TMEM70: variants seen among roughly 807,000 people sequenced by gnomAD.
The protein encoded by TMEM70 is transmembrane protein 70, mitochondrial.
In TMEM70, 15 loss-of-function variants were observed where a neutral mutation model predicts 20.5. That is an observed-to-expected ratio of 0.73 (90% CI 0.49 to 1.13). The LOEUF (loss-of-function observed/expected upper bound fraction) is 1.13, where lower values mean the gene tolerates loss of function less well. Among genes scored for constraint, TMEM70 ranks in the 50% most tolerant of loss-of-function variants. TMEM70 has a pLI of 0.00. For missense variants in TMEM70, 344 were observed against 331.7 expected (o/e 1.04, Z -0.29); for synonymous variants, 141 against 134.2 (o/e 1.05, Z -0.35).
chr8:73,981,260 A>G lies in TMEM70; in HGVS notation c.422A>G (p.Gln141Arg), dbSNP rs769437093. The change falls in exon 3 of 3, where the codon CAA becomes CGA. Residue 141 changes from glutamine (Q) to arginine (R), a missense_variant. By Grantham distance (43) the Gln-to-Arg change is conservative (BLOSUM62 1). Coordinates refer to ENST00000312184, the MANE Select transcript of TMEM70 (RefSeq NM_017866.6). The stretch of plus-strand genomic sequence containing the variant: ...TCTGAAAGTGTGCCTCTGCCTATTC[A>G]AATCATATTCTATGGCATCATGGGA... ...AISESVPLPI[Q>R]IIFYGIMGSF... The G allele has an allele frequency of 3.9e-5, 63 of 1,614,058 alleles. No homozygotes were observed. The highest frequency in any genetic ancestry group is 5.2e-5 in the Non-Finnish European group (61 of 1,180,044).
In TMEM70 at chr8:73,976,375, C is replaced by A; in HGVS notation, c.94C>A (p.Pro32Thr). ...ALCAAAALRG[P>T]RASVSRASSS... is the part of the protein sequence containing the mutation. ...GTGTGCGGCCGCCGCGCTCCGAGGT[C>A]CCCGGGCCTCTGTCTCCCGGGCGTC... Residue 32 changes from proline (P) to threonine (T), a missense_variant, in exon 1 of 3, where the codon CCC (proline) becomes ACC (threonine). Transcript: ENST00000312184. 1 of 1,596,842 alleles carries A rather than the reference C, an allele frequency of 6.3e-7. No individual in the cohort carries two copies. Among genetic ancestry groups the A allele is most frequent in the Middle Eastern group, 1.8e-4 (1 of 5,668 alleles).
chr8:73,976,452 G>C lies in TMEM70; in HGVS notation c.171G>C (p.Ser57=). ...GPVAGWSTGP[S]GAARLLRRPG... ...TAGCCGGCTGGAGTACGGGGCCTTC[G>C]GGAGCCGCGCGCCTTCTCCGGCGTC... Residue 57 remains serine, a synonymous_variant, in exon 1 of 3, where the codon TCG becomes TCC. Coordinates refer to ENST00000312184, the MANE Select transcript of TMEM70 (RefSeq NM_017866.6). 6.4e-7 allele frequency: 1 copy of C among 1,555,334 alleles called. No homozygotes were observed. Among genetic ancestry groups the C allele is most frequent in the African/African-American group, 1.4e-5 (1 of 73,820 alleles).
In TMEM70 at chr8:73,981,712, T is replaced by G. The variant is rs1425802311; in HGVS notation, c.*91T>G. The G allele has an allele frequency of 1.2e-6, 1 of 857,966 alleles. No homozygotes were observed. The highest frequency in any genetic ancestry group is 2.6e-5 in the East Asian group (1 of 38,308). 53.1% of individuals were successfully genotyped at this position (857,966 alleles called of 1,614,324 possible). A position where few individuals can be genotyped will look rare whatever the true frequency, so the allele number is the denominator to read the frequency against. The stretch of plus-strand genomic sequence containing the variant: ...TTTGCATTCCGTTAGTGACTGATTG[T>G]TAAAAATAATTTGAAATTATCAAAG... On this transcript the variant is annotated 3_prime_UTR_variant, in exon 3 of 3. Transcript: ENST00000312184.
In TMEM70 at chr8:73,982,679, A is replaced by C; in HGVS notation, c.*1058A>C. On this transcript the variant is annotated 3_prime_UTR_variant, in exon 3 of 3. Coordinates refer to ENST00000312184, the MANE Select transcript of TMEM70 (RefSeq NM_017866.6). ...GTTAGCTATACGGGAAATGGTAAGT[A>C]GTGTTGTCTTCAGTATCTTAATTTG... 1 of 460,834 alleles carries C rather than the reference A, an allele frequency of 2.2e-6. No homozygotes were observed. The highest frequency in any genetic ancestry group is 4.3e-6 in the Non-Finnish European group (1 of 231,000). The allele number at this position is 460,834 out of a possible 1,614,324, so 28.5% of individuals were successfully genotyped here. A position where few individuals can be genotyped will look rare whatever the true frequency, so the allele number is the denominator to read the frequency against.
chr8:73,977,521 A>G (rs1003694183), intron 1 of TMEM70, among the ~76,000 whole-genome samples: 2 of 152,208 alleles, frequency 1.3e-5, no homozygotes, highest in African/African-American at 4.8e-5. Context: ...TAAGAGGACC[A>G]GGGGATACAC....
At chr8:73,980,782 G>A (rs1044695840) in intron 2 of TMEM70, among the ~76,000 whole-genome samples, 2 of 152,204 alleles carry the variant, frequency 1.3e-5, no homozygotes, top group African/African-American at 4.8e-5. Flanking sequence ...TAGATATACT[G>A]GAGTGCTTGT....
At chr8:73,981,100 T>A in intron 2 of TMEM70, 55 bp from the exon 3 acceptor site, 1 of 1,440,088 alleles carries the variant, frequency 6.9e-7, no homozygotes, top group Non-Finnish European at 9.7e-7. Context: ...TGGGATAGAT[T>A]GATTCTTTTA....
In TMEM70 at chr8:73,981,459, T is replaced by C. The variant is rs192033495; in HGVS notation, c.621T>C (p.His207=). 1.2e-6 allele frequency: 2 copies of C among 1,614,196 alleles called. No homozygotes were observed. The highest frequency in any genetic ancestry group is 2.2e-5 in the East Asian group (1 of 44,884). ...QNDVKIPDAK[H]VFTTFYAKTK... The stretch of plus-strand genomic sequence containing the variant: ...ATGTGAAGATTCCAGATGCTAAACA[T>C]GTATTTACCACATTTTATGCTAAAA... The change falls in exon 3 of 3, where the codon CAT becomes CAC. Residue 207 remains histidine, a synonymous_variant. Transcript: ENST00000312184.
intron 2 of TMEM70, among the ~76,000 whole-genome samples, chr8:73,979,904 G>A (rs999553293): frequency 1.3e-5 from 2 of 151,780 alleles, no homozygotes; most frequent in Non-Finnish European, 2.9e-5. Flanking sequence ...AATTTTTTTT[G>A]TAGAGACAGG....
In TMEM70 at chr8:73,982,506, G is replaced by T; in HGVS notation, c.*885G>T. On this transcript the variant is annotated 3_prime_UTR_variant, in exon 3 of 3. Transcript: ENST00000312184. Reference sequence around the variant, plus strand: ...TGTTTTCATAAATTGATTACCAGTTGTTAAAAAATTTTCAAAAAACCGCAA... The same window carrying T: ...TGTTTTCATAAATTGATTACCAGTTTTTAAAAAATTTTCAAAAAACCGCAA... 1.6e-6 allele frequency: 1 copy of T among 638,304 alleles called. No individual in the cohort carries two copies. The highest frequency in any genetic ancestry group is 2.9e-6 in the Non-Finnish European group (1 of 346,648). The allele number at this position is 638,304 out of a possible 1,614,324, so 39.5% of individuals were successfully genotyped here. A position where few individuals can be genotyped will look rare whatever the true frequency, so the allele number is the denominator to read the frequency against.
chr8:73,981,105 C>G (rs565100165), intron 2 of TMEM70, 50 bp from the exon 3 acceptor site: 1 of 1,483,616 alleles, frequency 6.7e-7, no homozygotes, highest in South Asian at 1.1e-5. Context: ...TAGATTGATT[C>G]TTTTATAAAA....
In TMEM70 at chr8:73,981,297, G is replaced by C. The variant is rs1005576952; in HGVS notation, c.459G>C (p.Val153=). ...IFYGIMGSFT[V]ITPVLLHFIT... ...ATGGCATCATGGGAAGCTTTACGGT[G>C]ATCACCCCAGTGCTGCTTCACTTTA... Residue 153 remains valine, a synonymous_variant, in exon 3 of 3, where the codon GTG becomes GTC. Transcript: ENST00000312184. 2.5e-6 allele frequency: 4 copies of C among 1,614,116 alleles called. No homozygotes were observed. The Admixed American group carries it at 5.0e-5, about 20-fold the overall frequency.
At chr8:73,978,893 GT>G (rs1563698471) in intron 2 of TMEM70, 32 bp downstream of exon 2, 1 of 1,610,938 alleles carries the variant, frequency 6.2e-7, no homozygotes, top group Non-Finnish European at 8.5e-7. Context: ...TACTTACTTT[GT>G]TTTTTTCTCT....
chr8:73,977,924 C>A (rs1385357964), intron 1 of TMEM70, among the ~76,000 whole-genome samples: 1 of 152,126 alleles, frequency 6.6e-6, no homozygotes, highest in Non-Finnish European at 1.5e-5. Context: ...ACCTAGAAAC[C>A]TGAGAGCTGG....
At chr8:73,977,567 C>T (rs1222642333) in intron 1 of TMEM70, among the ~76,000 whole-genome samples, 1 of 152,166 alleles carries the variant, frequency 6.6e-6, no homozygotes, top group Non-Finnish European at 1.5e-5. Flanking sequence ...GATTTGATCT[C>T]TTTAATACTA....
In TMEM70 at chr8:73,976,243, G is replaced by C. The variant is rs200386494; in HGVS notation, c.-39G>C. ...AGCCGTGTCTCGCAGTCGTGGACTC[G>C]TGCAGCTGGGGCGTCCGCAGCCGCT... On this transcript the variant is annotated 5_prime_UTR_variant, in exon 1 of 3. Coordinates refer to ENST00000312184, the MANE Select transcript of TMEM70 (RefSeq NM_017866.6). 4.8e-5 allele frequency: 76 copies of C among 1,569,320 alleles called. No individual in the cohort carries two copies. The highest frequency in any genetic ancestry group is 6.2e-5 in the Non-Finnish European group (72 of 1,158,472).
chr8:73,979,136 C>T lies in TMEM70; in HGVS notation c.316+275C>T, dbSNP rs186848163. On this transcript the variant is annotated intron_variant, in intron 2 of 2. Transcript: ENST00000312184. Reference sequence around the variant, plus strand: ...ATACTCTTCGCCTCCCATGTTCAAGCGATTCTCCTGGCTCAGCCTCCTGCT... The same window carrying T: ...ATACTCTTCGCCTCCCATGTTCAAGTGATTCTCCTGGCTCAGCCTCCTGCT... 3,705 of 524,792 alleles carry T rather than the reference C, an allele frequency of 7.1e-3. 30 individuals are homozygous for T. The highest frequency in any genetic ancestry group is 0.01 in the Non-Finnish European group (2,827 of 273,236). The allele number at this position is 524,792 out of a possible 1,614,324, so 32.5% of individuals were successfully genotyped here. A position where few individuals can be genotyped will look rare whatever the true frequency, so the allele number is the denominator to read the frequency against.
chr8:73,978,286 C>G (rs146954859), intron 1 of TMEM70, among the ~76,000 whole-genome samples: 2,362 of 150,698 alleles, frequency 0.016, 208 homozygotes, highest in Admixed American at 0.13. Flanking sequence ...GGGGTTTCAC[C>G]ATGTTGGCCA....
intron 2 of TMEM70, among the ~76,000 whole-genome samples, chr8:73,979,324 C>T (rs774936135): frequency 3.9e-5 from 6 of 152,120 alleles, no homozygotes; most frequent in Admixed American, 2.6e-4. Context: ...CCACCACGCC[C>T]GGCCTCTATT....
Sources: allele counts gnomAD v4.1 joint callset (sites outside exome capture counted in the v4.1 genomes callset), GRCh38; gene constraint gnomAD v4.1.1; transcripts MANE v1.5; gene names NCBI Gene and HGNC (gene_info 2026-07-23, HGNC 2026-07-21).